The following PAG1 variants were observed in gnomAD, a reference collection of about 807,000 sequenced individuals.
PAG1 encodes phosphoprotein associated with glycosphingolipid-enriched microdomains 1.
A neutral mutation model predicts 31.7 loss-of-function variants in PAG1; 23 were observed. The ratio of observed to expected loss-of-function variants is 0.73; its 90% CI spans 0.52 to 1.03. The LOEUF is 1.03. Among genes scored for constraint, PAG1 ranks in the 50% least tolerant of loss-of-function variants. PAG1 has a pLI of 0.00. For synonymous variants in PAG1, 214 were observed against 210.3 expected (o/e 1.02, Z -0.15); for missense variants, 473 against 540.7 (o/e 0.87, Z 1.24).
intron 1 of PAG1, among the ~76,000 whole-genome samples, chr8:81,086,546 C>T (rs1809361766): frequency 6.6e-6 from 1 of 151,618 alleles, no homozygotes; most frequent in South Asian, 2.1e-4. Flanking sequence ...GATGCAATAA[C>T]AGGACATAAA....
At chr8:80,979,479 G>A (rs77443576) in intron 8 of PAG1, among the ~76,000 whole-genome samples, 1 of 152,182 alleles carries the variant, frequency 6.6e-6, no homozygotes, top group African/African-American at 2.4e-5. Flanking sequence ...GTATCGAGAT[G>A]ACCCCTAGGT....
Position 80,985,319 on chromosome 8 carries a change from CG to C in PAG1, c.332del (p.Ser111TrpfsTer74). 6.2e-7 allele frequency: 1 copy of C among 1,614,052 alleles called. No homozygotes were observed. The highest frequency in any genetic ancestry group is 8.5e-7 in the Non-Finnish European group (1 of 1,179,980). Reference protein sequence around the residue: ...CMQHYEEVQTSASDLLDSQDS... With the variant: ...CMQHYEEVQTXASDLLDSQDS... ...CCTGGGAATCCAGCAGATCCGAGGC[CG>C]ATGTCTGGACTTCCTCGTAATGCTG... On this transcript the variant is annotated frameshift_variant, in exon 7 of 9. Transcript: ENST00000220597. LOFTEE classifies it high-confidence loss of function.
chr8:81,048,554 T>C (rs1808677949), intron 2 of PAG1, among the ~76,000 whole-genome samples: 1 of 152,142 alleles, frequency 6.6e-6, no homozygotes, highest in Non-Finnish European at 1.5e-5. Flanking sequence ...CTGTGCTTAA[T>C]TCCTGGGTTC....
intron 5 of PAG1, among the ~76,000 whole-genome samples, chr8:80,991,036 G>A (rs1212347447): frequency 1.3e-5 from 2 of 152,100 alleles, no homozygotes; most frequent in East Asian, 1.9e-4. Flanking sequence ...GAAGATGAAG[G>A]CAGAATTTGG....
chr8:81,014,856 C>T (rs1324626717), intron 3 of PAG1, among the ~76,000 whole-genome samples: 1 of 152,160 alleles, frequency 6.6e-6, no homozygotes, highest in African/African-American at 2.4e-5. Flanking sequence ...GAGGTGCAAT[C>T]GGGCGGATAG....
intron 1 of PAG1, among the ~76,000 whole-genome samples, chr8:81,086,510 C>CAT (rs1563425590): frequency 4.0e-5 from 6 of 151,198 alleles, no homozygotes; most frequent in African/African-American, 1.5e-4. Flanking sequence ...TGTGTGCGCG[C>CAT]GCGTGTGTGT....
chr8:81,068,277 G>A (rs1184629067), intron 2 of PAG1, among the ~76,000 whole-genome samples: 1 of 152,226 alleles, frequency 6.6e-6, no homozygotes, highest in Non-Finnish European at 1.5e-5. Flanking sequence ...CACATTGGAA[G>A]CCTGAAAATG....
intron 3 of PAG1, among the ~76,000 whole-genome samples, chr8:81,005,565 C>T (rs908050740): frequency 3.9e-5 from 6 of 152,018 alleles, no homozygotes; most frequent in Non-Finnish European, 5.9e-5. Context: ...ACCTTGGACC[C>T]GATACAAAAG....
Position 80,973,549 on chromosome 8 carries a change from A to C in PAG1, c.*2995T>G, listed in dbSNP as rs1057059577. On this transcript the variant is annotated 3_prime_UTR_variant, in exon 9 of 9. Coordinates refer to ENST00000220597, the MANE Select transcript of PAG1 (RefSeq NM_018440.4). The stretch of plus-strand genomic sequence containing the variant: ...ATAATTCTTACTTACAAGATAAAAA[A>C]ATTTCCTAAAATTTATTTTTAAATT... 4.6e-5 allele frequency: 7 copies of C among 152,206 alleles called. No individual in the cohort carries two copies. The highest frequency in any genetic ancestry group is 1.3e-4 in the Admixed American group (2 of 15,278). 9.4% of individuals were successfully genotyped at this position (152,206 alleles called of 1,614,324 possible).
chr8:81,077,349 T>G, intron 1 of PAG1, among the ~76,000 whole-genome samples: 1 of 152,222 alleles, frequency 6.6e-6, no homozygotes, highest in Non-Finnish European at 1.5e-5. Flanking sequence ...TGTTGCTCTC[T>G]ATTCCAACCT....
intron 3 of PAG1, among the ~76,000 whole-genome samples, chr8:81,025,431 A>G (rs1369102913): frequency 3.3e-5 from 5 of 152,278 alleles, no homozygotes; most frequent in Non-Finnish European, 7.4e-5. Flanking sequence ...AACTCCTCAG[A>G]TTCCACTTTG....
At chr8:81,084,920 C>T (rs1209511904) in intron 1 of PAG1, among the ~76,000 whole-genome samples, 5 of 152,018 alleles carry the variant, frequency 3.3e-5, no homozygotes, top group Non-Finnish European at 5.9e-5. Context: ...AGATGAAGTC[C>T]GTTTTCTTTT....
chr8:81,003,547 C>T (rs780313595), intron 3 of PAG1, among the ~76,000 whole-genome samples: 4 of 152,102 alleles, frequency 2.6e-5, no homozygotes, highest in South Asian at 2.1e-4. Flanking sequence ...TGGCAGTGAT[C>T]GGGTACATTG....
At chr8:81,102,214 C>T (rs1447095368) in intron 1 of PAG1, among the ~76,000 whole-genome samples, 1 of 152,056 alleles carries the variant, frequency 6.6e-6, no homozygotes, top group African/African-American at 2.4e-5. Context: ...TTTTCACATG[C>T]CTATATTGTA....
intron 3 of PAG1, among the ~76,000 whole-genome samples, chr8:81,006,144 T>C (rs1807873612): frequency 6.6e-6 from 1 of 151,758 alleles, no homozygotes; most frequent in Admixed American, 6.6e-5. Flanking sequence ...GGTTTCATCA[T>C]GTTGGCCAGG....
chr8:80,986,279 C>T (rs767750244), intron 6 of PAG1, among the ~76,000 whole-genome samples: 14 of 152,274 alleles, frequency 9.2e-5, no homozygotes, highest in African/African-American at 3.4e-4. Context: ...CTGATCATCA[C>T]GGAGGGGGTG....
chr8:81,048,425 G>C (rs28429730), intron 2 of PAG1, among the ~76,000 whole-genome samples: 3 of 152,062 alleles, frequency 2.0e-5, no homozygotes, highest in African/African-American at 7.2e-5. Flanking sequence ...CTCAGCTCTT[G>C]CCTTCTCTCT....
chr8:81,093,815 A>C (rs1395450427), intron 1 of PAG1, among the ~76,000 whole-genome samples: 3 of 150,836 alleles, frequency 2.0e-5, no homozygotes, highest in Non-Finnish European at 4.4e-5. Context: ...TTCATCCAAC[A>C]TTCCAAAATA....
chr8:81,088,244 T>G (rs1435511959), intron 1 of PAG1, among the ~76,000 whole-genome samples: 1 of 152,222 alleles, frequency 6.6e-6, no homozygotes, highest in Non-Finnish European at 1.5e-5. Flanking sequence ...AGTAGTTCAT[T>G]AGAATTACAA....
Sources: gnomAD v4.1 joint callset for allele counts (sites outside exome capture counted in the v4.1 genomes callset) on GRCh38, gnomAD v4.1.1 for gene constraint, MANE v1.5 for transcripts, NCBI Gene and HGNC (gene_info 2026-07-23, HGNC 2026-07-21) for gene names.